Variants in SH3RF2 observed in about 807,000 individuals in gnomAD.
SH3RF2 encodes SH3 domain containing ring finger 2.
In SH3RF2, 43 loss-of-function variants were observed where a neutral mutation model predicts 59.0. The observed-to-expected ratio is 0.73, with a 90% CI of 0.57 to 0.94. SH3RF2 has a LOEUF of 0.94. SH3RF2 is among the 40% of genes least tolerant of loss of function. The probability of loss-of-function intolerance (pLI) is 0.00; values close to 1 mark genes in which losing one functional copy is unlikely to be tolerated. For synonymous variants in SH3RF2, 391 were observed against 391.5 expected, an observed-to-expected ratio of 1.00 and a Z score of 0.01; for missense variants, 930 against 940.1, an observed-to-expected ratio of 0.99 and a Z score of 0.14.
intron 2 of SH3RF2, among the ~76,000 whole-genome samples, chr5:145,950,254 G>A (rs57203937): frequency 0.018 from 2,681 of 152,262 alleles, 81 homozygotes; most frequent in African/African-American, 0.06. Context: ...ACTTGAACCA[G>A]GTCTGCCTGA....
At chr5:146,049,036 TCTTC>T (rs1441791124) in intron 6 of SH3RF2, 35 bp from the exon 7 acceptor site, 4 of 1,612,176 alleles carry the variant, frequency 2.5e-6, no homozygotes, top group Middle Eastern at 3.3e-4. Context: ...ATCAGGCACG[TCTTC>T]CTTCCTCCCT....
chr5:146,039,325 CAA>C (rs1245813587), intron 5 of SH3RF2, among the ~76,000 whole-genome samples: 3 of 152,000 alleles, frequency 2.0e-5, no homozygotes, highest in Non-Finnish European at 2.9e-5. Context: ...TTCAGTTCAT[CAA>C]AAGACACCAC....
chr5:145,984,952 T>C (rs1759645180), intron 2 of SH3RF2, among the ~76,000 whole-genome samples: 1 of 152,112 alleles, frequency 6.6e-6, no homozygotes, highest in Non-Finnish European at 1.5e-5. Context: ...AGCCCAGAGT[T>C]CAAGACCAGC....
chr5:145,974,393 C>T (rs59731223), intron 2 of SH3RF2, among the ~76,000 whole-genome samples: 12,909 of 151,928 alleles, frequency 0.085, 1,875 homozygotes, highest in African/African-American at 0.29. Flanking sequence ...GGTAGGAGCA[C>T]CTTTGGTCAT....
At chr5:145,999,731 C>T (rs915469066) in intron 2 of SH3RF2, among the ~76,000 whole-genome samples, 16 of 151,712 alleles carry the variant, frequency 1.1e-4, no homozygotes, top group Non-Finnish European at 1.0e-4. Context: ...AAGTTTGTGG[C>T]GCCCCCCGAG....
At chr5:145,963,222 G>C (rs1580779326) in intron 2 of SH3RF2, among the ~76,000 whole-genome samples, 1 of 151,224 alleles carries the variant, frequency 6.6e-6, no homozygotes, top group Non-Finnish European at 1.5e-5. Context: ...TTAATAGCTT[G>C]CACAAAATAA....
chr5:146,061,607 G>A (rs181908298), intron 9 of SH3RF2, among the ~76,000 whole-genome samples: 2 of 152,234 alleles, frequency 1.3e-5, no homozygotes, highest in East Asian at 1.9e-4. Context: ...ACCACAGAAC[G>A]CTTTATTAGG....
intron 2 of SH3RF2, among the ~76,000 whole-genome samples, chr5:145,951,777 T>C (rs1758203193): frequency 6.6e-6 from 1 of 152,194 alleles, no homozygotes; most frequent in African/African-American, 2.4e-5. Context: ...CATCTTATTT[T>C]AACACCTTAT....
At chr5:145,945,508 G>A (rs1443713052) in intron 2 of SH3RF2, among the ~76,000 whole-genome samples, 1 of 152,128 alleles carries the variant, frequency 6.6e-6, no homozygotes, top group East Asian at 1.9e-4. Flanking sequence ...ACAAAATGAA[G>A]CTTGATTGAT....
At chr5:146,066,289 T>C (rs2962529), downstream of SH3RF2, among the ~76,000 whole-genome samples, 144,295 of 152,196 alleles carry the variant, frequency 0.95, 68,899 homozygotes, top group East Asian at 1. Flanking sequence ...TGCGCACAAA[T>C]ACAGTTCAGG....
At chr5:146,033,165 T>C (rs1325055725) in intron 5 of SH3RF2, among the ~76,000 whole-genome samples, 1 of 147,744 alleles carries the variant, frequency 6.8e-6, no homozygotes, top group Non-Finnish European at 1.5e-5. Flanking sequence ...GTTGTGAGGA[T>C]TATATGAGAT....
chr5:146,056,596 G>A (rs1458876158), intron 8 of SH3RF2, among the ~76,000 whole-genome samples: 1 of 152,208 alleles, frequency 6.6e-6, no homozygotes, highest in Non-Finnish European at 1.5e-5. Context: ...CAGAAGAATG[G>A]GGTGGATGGG....
At chr5:146,077,973 A>C (rs1206772241) in intron 9 of SH3RF2, among the ~76,000 whole-genome samples, 1 of 152,198 alleles carries the variant, frequency 6.6e-6, no homozygotes, top group Admixed American at 6.5e-5. Context: ...AACCGGTAGA[A>C]TGAAATAGGA....
At chr5:146,071,740 G>A (rs1020147509) in intron 9 of SH3RF2, among the ~76,000 whole-genome samples, 5 of 152,082 alleles carry the variant, frequency 3.3e-5, no homozygotes, top group African/African-American at 1.2e-4. Flanking sequence ...GTTTCCTTTG[G>A]CAAATAACTA....
At chr5:146,077,123 G>A (rs1249498991) in intron 9 of SH3RF2, among the ~76,000 whole-genome samples, 1 of 152,068 alleles carries the variant, frequency 6.6e-6, no homozygotes, top group African/African-American at 2.4e-5. Flanking sequence ...TACTCAGAAG[G>A]GCCAAGAGCC....
chr5:146,049,196 AC>A lies in SH3RF2; in HGVS notation c.1275del (p.Arg427GlufsTer65), dbSNP rs910584957. On this transcript the variant is annotated frameshift_variant, in exon 7 of 10. Coordinates refer to ENST00000359120, the MANE Select transcript of SH3RF2 (RefSeq NM_152550.4). LOFTEE classifies it high-confidence loss of function. ...CTGGCTCAGGGGCGTCTCCTTGGTC[AC>A]CGGGCGAGTCGGCATCTTCCCAAAC... ...DGWLRGVSLV[T>X]GRVGIFPNNY... The A allele has an allele frequency of 3.1e-6, 5 of 1,613,766 alleles. No homozygotes were observed. In the Admixed American group the frequency reaches 8.3e-5, roughly 27 times the overall value.
intron 5 of SH3RF2, among the ~76,000 whole-genome samples, chr5:146,017,723 A>T (rs1327112600): frequency 6.6e-6 from 1 of 151,812 alleles, no homozygotes; most frequent in African/African-American, 2.4e-5. Context: ...TGCCCATTCC[A>T]TTTCACTGCC....
At chr5:146,023,788 C>A (rs1226104587) in intron 5 of SH3RF2, among the ~76,000 whole-genome samples, 1 of 152,148 alleles carries the variant, frequency 6.6e-6, no homozygotes, top group East Asian at 1.9e-4. Flanking sequence ...CCTAGGAAAC[C>A]ATTAAGTTAC....
At position 146,062,497 on chromosome 5, in the gene SH3RF2, C is replaced by T. The variant is rs148808993; in HGVS notation, c.1986C>T (p.Ser662=). Residue 662 remains serine, a synonymous_variant, in exon 10 of 10, where the codon TCC becomes TCT. Coordinates refer to ENST00000359120, the MANE Select transcript of SH3RF2 (RefSeq NM_152550.4). ...PTKHYTSHPT[S]GKPEQPATLK... ...AACATTACACCTCCCATCCCACCTC[C>T]GGAAAGCCTGAACAGCCAGCCACCC... 19 of 1,614,090 alleles carry T rather than the reference C, an allele frequency of 1.2e-5. No homozygotes were observed. Among genetic ancestry groups the T allele is most frequent in the Middle Eastern group, 1.6e-4 (1 of 6,084 alleles).
Sources: allele counts gnomAD v4.1 joint callset (sites outside exome capture counted in the v4.1 genomes callset), GRCh38; gene constraint gnomAD v4.1.1; transcripts MANE v1.5; gene names NCBI Gene and HGNC (gene_info 2026-07-23, HGNC 2026-07-21).